The following RAD51B variants were observed in gnomAD, a reference collection of about 807,000 sequenced individuals.
RAD51B encodes the protein RAD51 paralog B, also known as DNA repair protein RAD51 homolog 2.
In RAD51B, 38 loss-of-function variants were observed where a neutral mutation model predicts 42.2. The ratio of observed to expected loss-of-function variants is 0.90; its 90% CI spans 0.70 to 1.18. The LOEUF (loss-of-function observed/expected upper bound fraction) is 1.18, where lower values mean the gene tolerates loss of function less well. Ranked by LOEUF, RAD51B falls within the 50% of genes most tolerant of loss-of-function variation. The pLI is 0.00. For missense variants in RAD51B, 373 were observed against 400.7 expected (o/e 0.93, Z 0.59); for synonymous variants, 154 against 145.2 (o/e 1.06, Z -0.43).
At chr14:67,952,215 G>GAAA (rs35656945) in intron 7 of RAD51B, among the ~76,000 whole-genome samples, 281 of 144,934 alleles carry the variant, frequency 1.9e-3, no homozygotes, top group Middle Eastern at 3.5e-3. Context: ...TTCATTTATA[G>GAAA]AAAAAAAAAA....
intron 11 of RAD51B, among the ~76,000 whole-genome samples, chr14:68,651,668 G>A (rs1447540334): frequency 1.3e-5 from 2 of 152,180 alleles, no homozygotes; most frequent in African/African-American, 4.8e-5. Flanking sequence ...CGAAGCAAAC[G>A]GGCTGAAGAA....
downstream of RAD51B, among the ~76,000 whole-genome samples, chr14:68,597,803 T>TAAAAAAA (rs11423187): frequency 7.0e-6 from 1 of 143,518 alleles, no homozygotes. Context: ...AAATACAAGT[T>TAAAAAAA]AAAAAAAAAA....
intron 7 of RAD51B, among the ~76,000 whole-genome samples, chr14:67,962,572 A>G (rs2074692039): frequency 6.6e-6 from 1 of 152,206 alleles, no homozygotes; most frequent in African/African-American, 2.4e-5. Flanking sequence ...GATAAAAGAA[A>G]TTACGGCCCA....
intron 11 of RAD51B, among the ~76,000 whole-genome samples, chr14:68,651,254 C>G (rs1025984633): frequency 1.3e-4 from 20 of 152,166 alleles, no homozygotes; most frequent in African/African-American, 4.3e-4. Flanking sequence ...TCACTGCAAC[C>G]TCCACTCCCC....
chr14:68,065,086 A>T (rs1171756177), intron 7 of RAD51B, among the ~76,000 whole-genome samples: 1 of 152,130 alleles, frequency 6.6e-6, no homozygotes, highest in Non-Finnish European at 1.5e-5. Flanking sequence ...ACAGTTGCCT[A>T]TTCCAATTTT....
At chr14:68,270,231 T>C (rs902136072) in intron 7 of RAD51B, among the ~76,000 whole-genome samples, 1 of 152,186 alleles carries the variant, frequency 6.6e-6, no homozygotes, top group Non-Finnish European at 1.5e-5. Context: ...TCCTCAGATA[T>C]GGCCAATAAA....
rs200322905 is a variant in RAD51B at position 68,623,799 on chromosome 14, T to G, written c.1037-26982T>G. 7.2e-5 allele frequency among the ~76,000 whole-genome samples: 11 copies of G among 152,380 alleles called. No homozygotes were observed. The East Asian group carries it at 2.1e-3, about 29-fold the overall frequency. On this transcript the variant is annotated intron_variant, in intron 10 of 11. Transcript: ENST00000488612. ...GATAAACCAGTAGGGCCGGTAAGGC[T>G]TTGTGTTTTATTTTTCTATGTCTTG...
chr14:67,912,903 A>C (rs1167707234), intron 7 of RAD51B, among the ~76,000 whole-genome samples: 1 of 151,942 alleles, frequency 6.6e-6, no homozygotes, highest in Non-Finnish European at 1.5e-5. Flanking sequence ...ACTGGGTTTC[A>C]CCATATTGGC....
chr14:68,190,823 A>G (rs2079250592), intron 7 of RAD51B, among the ~76,000 whole-genome samples: 2 of 152,206 alleles, frequency 1.3e-5, no homozygotes, highest in South Asian at 2.1e-4. Flanking sequence ...ATCATGATCT[A>G]TATTCTCTCT....
At chr14:68,105,259 G>C (rs1047038193) in intron 7 of RAD51B, among the ~76,000 whole-genome samples, 12 of 151,894 alleles carry the variant, frequency 7.9e-5, no homozygotes, top group Non-Finnish European at 1.8e-4. Flanking sequence ...TTGGGCTTCA[G>C]TTTCCTGACC....
At chr14:67,863,631 C>G (rs1446688110) in intron 4 of RAD51B, among the ~76,000 whole-genome samples, 1 of 151,590 alleles carries the variant, frequency 6.6e-6, no homozygotes, top group Non-Finnish European at 1.5e-5. Flanking sequence ...TTCCCTTCCT[C>G]TCCTCTCCCC....
intron 7 of RAD51B, among the ~76,000 whole-genome samples, chr14:68,185,785 C>T (rs1595524488): frequency 6.6e-6 from 1 of 152,140 alleles, no homozygotes; most frequent in Non-Finnish European, 1.5e-5. Flanking sequence ...CAATAGGATT[C>T]GTGTTCCTAA....
At chr14:68,400,907 T>C (rs1594784233) in intron 8 of RAD51B, among the ~76,000 whole-genome samples, 1 of 152,344 alleles carries the variant, frequency 6.6e-6, no homozygotes, top group East Asian at 1.9e-4. Context: ...ATTTTTTTTT[T>C]CCTTTCCTTA....
intron 7 of RAD51B, among the ~76,000 whole-genome samples, chr14:68,108,002 A>G (rs1490896422): frequency 1.3e-5 from 2 of 151,880 alleles, no homozygotes; most frequent in Non-Finnish European, 2.9e-5. Context: ...ACAAATAATT[A>G]AAAGTAGATT....
chr14:68,281,944 C>T (rs1173132740), intron 7 of RAD51B, among the ~76,000 whole-genome samples: 1 of 151,956 alleles, frequency 6.6e-6, no homozygotes, highest in Non-Finnish European at 1.5e-5. Flanking sequence ...AGGGCTTGTG[C>T]CTCAAGTGTG....
chr14:68,350,825 G>A (rs1334274724), intron 8 of RAD51B, among the ~76,000 whole-genome samples: 1 of 152,138 alleles, frequency 6.6e-6, no homozygotes, highest in Admixed American at 6.5e-5. Flanking sequence ...TAGATAGTGG[G>A]ATACTGGAAG....
intron 7 of RAD51B, among the ~76,000 whole-genome samples, chr14:68,051,479 T>C (rs2076392962): frequency 6.6e-6 from 1 of 152,218 alleles, no homozygotes; most frequent in Non-Finnish European, 1.5e-5. Flanking sequence ...CAACCCTGGT[T>C]GTTTTTATAA....
downstream of RAD51B, among the ~76,000 whole-genome samples, chr14:68,478,839 C>T (rs528964989): frequency 1.6e-4 from 25 of 152,264 alleles, no homozygotes; most frequent in Admixed American, 3.3e-4. Flanking sequence ...AGTCCTTTAA[C>T]GACTCAGTAT....
At chr14:68,522,348 G>C (rs1451726753) in intron 10 of RAD51B, among the ~76,000 whole-genome samples, 1 of 152,196 alleles carries the variant, frequency 6.6e-6, no homozygotes, top group Non-Finnish European at 1.5e-5. Flanking sequence ...ACCGAAAAAT[G>C]CTACCTGAAT....
Sources: allele counts gnomAD v4.1 joint callset (sites outside exome capture counted in the v4.1 genomes callset), GRCh38; gene constraint gnomAD v4.1.1; transcripts MANE v1.5; gene names NCBI Gene and HGNC (gene_info 2026-07-23, HGNC 2026-07-21).